The following PPEF2 variants were observed in gnomAD, a reference collection of about 807,000 sequenced individuals.
PPEF2 encodes the protein serine/threonine-protein phosphatase with EF-hands 2.
In PPEF2, 84 loss-of-function variants were observed where a neutral mutation model predicts 84.7. The ratio of observed to expected loss-of-function variants is 0.99; its 90% confidence interval spans 0.83 to 1.19. The LOEUF (loss-of-function observed/expected upper bound fraction) is 1.19. Among genes scored for constraint, PPEF2 ranks in the 50% most tolerant of loss-of-function variants. PPEF2 has a pLI of 0.00. For synonymous variants in PPEF2, 346 were observed against 345.2 expected (o/e 1.00, Z -0.03); for missense variants, 924 against 937.5 (o/e 0.99, Z 0.19).
intron 2 of PPEF2, among the ~76,000 whole-genome samples, chr4:75,894,186 AT>A (rs1306514205): frequency 6.6e-6 from 1 of 152,192 alleles, no homozygotes; most frequent in Non-Finnish European, 1.5e-5. Context: ...AGAACAGAGA[AT>A]TTTTTTGATG....
At chr4:75,873,542 A>G (rs1034488976) in intron 11 of PPEF2, among the ~76,000 whole-genome samples, 1 of 152,264 alleles carries the variant, frequency 6.6e-6, no homozygotes, top group Admixed American at 6.5e-5. Flanking sequence ...CGACAAGCAT[A>G]TACCCACTTT....
intron 10 of PPEF2, among the ~76,000 whole-genome samples, chr4:75,877,182 A>G (rs1294684621): frequency 6.6e-6 from 1 of 151,556 alleles, no homozygotes; most frequent in Non-Finnish European, 1.5e-5. Flanking sequence ...TCCTAAAAAT[A>G]CAAAATTAGC....
chr4:75,900,421 G>A (rs1428694979), intron 1 of PPEF2, among the ~76,000 whole-genome samples: 1 of 152,204 alleles, frequency 6.6e-6, no homozygotes, highest in Admixed American at 6.5e-5. Flanking sequence ...CCATTAGGTA[G>A]TTGTAACTAA....
chr4:75,894,748 A>T (rs1354409518), intron 2 of PPEF2, among the ~76,000 whole-genome samples: 1 of 152,172 alleles, frequency 6.6e-6, no homozygotes, highest in Non-Finnish European at 1.5e-5. Context: ...ACCTTGCGTG[A>T]TCTAATAAAT....
intron 7 of PPEF2, among the ~76,000 whole-genome samples, chr4:75,886,339 G>A (rs755437550): frequency 4.6e-5 from 7 of 152,202 alleles, no homozygotes; most frequent in Non-Finnish European, 1.0e-4. Context: ...AGGTACCCGA[G>A]GCCGGTGCGG....
chr4:75,883,564 G>T (rs1724634328), intron 8 of PPEF2: 1 of 203,732 alleles, frequency 4.9e-6, no homozygotes, highest in Non-Finnish European at 1.0e-5. Context: ...CACGCCTGTA[G>T]TCCCAGCACT....
intron 10 of PPEF2, among the ~76,000 whole-genome samples, chr4:75,879,074 T>C (rs1384381480): frequency 2.6e-5 from 4 of 152,332 alleles, no homozygotes; most frequent in Admixed American, 2.6e-4. Flanking sequence ...CCCCATCTTA[T>C]GTTTCCAGTG....
Position 75,876,675 on chromosome 4 carries a change from T to G in PPEF2, c.934-2A>C. On this transcript the variant is annotated splice_acceptor_variant, in intron 10 of 16. Coordinates refer to ENST00000286719, the MANE Select transcript of PPEF2 (RefSeq NM_006239.3). LOFTEE classifies it high-confidence loss of function. ...TTTGCACCTCATGGTGGAAACTATC[T>G]AAACACGTCCAGAAAGAGATACAGA... 1 of 1,532,780 alleles carries G rather than the reference T, an allele frequency of 6.5e-7. No homozygotes were observed. The highest frequency in any genetic ancestry group is 8.8e-7 in the Non-Finnish European group (1 of 1,139,892). 94.9% of individuals were successfully genotyped at this position (1,532,780 alleles called of 1,614,324 possible).
intron 11 of PPEF2, 49 bp from the exon 12 acceptor site, chr4:75,873,361 C>G: frequency 6.9e-7 from 1 of 1,459,532 alleles, no homozygotes; most frequent in Non-Finnish European, 9.3e-7. Flanking sequence ...GATACATATT[C>G]ATCCACAGTC....
chr4:75,873,704 T>A (rs1487833722), intron 11 of PPEF2, among the ~76,000 whole-genome samples: 1 of 152,164 alleles, frequency 6.6e-6, no homozygotes, highest in Non-Finnish European at 1.5e-5. Flanking sequence ...GTCCTGGGAC[T>A]GGCAAGAGAG....
rs566255059 is a variant in PPEF2, at chr4:75,875,106, G to A, written c.1320+1181C>T. ...TTTTTAGTAGAGACGGGGTTTCACCGTGTTAGCCAAGGATGGTCTCTATCT... is the reference window on the plus strand; with the variant it reads ...TTTTTAGTAGAGACGGGGTTTCACCATGTTAGCCAAGGATGGTCTCTATCT... On this transcript the variant is annotated intron_variant, in intron 11 of 16. Coordinates refer to ENST00000286719, the MANE Select transcript of PPEF2 (RefSeq NM_006239.3). Among the ~76,000 whole-genome samples the A allele has an allele frequency of 2.6e-5, 4 of 151,724 alleles. 1 individual carries two copies. The highest frequency in any genetic ancestry group is 9.7e-5 in the African/African-American group (4 of 41,360).
rs1724150237 is a variant in PPEF2, at chr4:75,867,161, G to A, written c.1756+152C>T. The A allele has an allele frequency of 5.6e-6, 3 of 533,676 alleles. No individual in the cohort carries two copies. In the East Asian group the frequency reaches 9.5e-5, roughly 17 times the overall value. 33.1% of individuals were successfully genotyped at this position (533,676 alleles called of 1,614,324 possible). On this transcript the variant is annotated intron_variant, in intron 14 of 16. Coordinates refer to ENST00000286719, the MANE Select transcript of PPEF2 (RefSeq NM_006239.3). ...ATTTTAAAATTTAGTTAGAATAAAT[G>A]AGACATTAAGTTGAATAAAATGGAG...
intron 2 of PPEF2, among the ~76,000 whole-genome samples, chr4:75,894,499 A>G (rs1323963208): frequency 1.3e-5 from 2 of 152,240 alleles, no homozygotes. Context: ...CCAATAGTTG[A>G]AATCAAAAGC....
chr4:75,884,487 G>A, intron 8 of PPEF2, 107 bp downstream of exon 8: 2 of 1,305,090 alleles, frequency 1.5e-6, no homozygotes, highest in Non-Finnish European at 2.1e-6. Flanking sequence ...TAAAAAAATT[G>A]GAAAACTAGT....
rs186321394 is a variant in PPEF2, at chr4:75,872,155, A to G, written c.1519T>C (p.Phe507Leu). 2.5e-6 allele frequency: 4 copies of G among 1,613,544 alleles called. No individual in the cohort carries two copies. Among genetic ancestry groups the G allele is most frequent in the Non-Finnish European group, 1.7e-6 (2 of 1,179,840 alleles). Residue 507 changes from phenylalanine to leucine, a missense_variant, in exon 13 of 17, where the codon TTT becomes CTT. Physicochemically the swap from Phe to Leu is conservative, Grantham distance 22. Coordinates refer to ENST00000286719, the MANE Select transcript of PPEF2 (RefSeq NM_006239.3). The part of the protein sequence containing the change: ...FCHNRKVLTI[F>L]SASNYYEVGS... The stretch of plus-strand genomic sequence containing the variant: ...ACTTCATAGTAGTTGGAGGCAGAAA[A>G]GATTGTTAATACCTACATCAAAACA...
chr4:75,892,015 G>T, intron 2 of PPEF2, 37 bp from the exon 3 acceptor site: 1 of 1,604,918 alleles, frequency 6.2e-7, no homozygotes, highest in South Asian at 1.1e-5. Context: ...TGTGAGCTCG[G>T]ACTCCCTGGG....
intron 10 of PPEF2, among the ~76,000 whole-genome samples, chr4:75,882,468 G>A (rs1249379526): frequency 6.6e-6 from 1 of 151,836 alleles, no homozygotes; most frequent in African/African-American, 2.4e-5. Context: ...CTCCCCACTG[G>A]CATGTACATG....
At chr4:75,899,757 G>A (rs1291818787) in intron 1 of PPEF2, among the ~76,000 whole-genome samples, 1 of 143,402 alleles carries the variant, frequency 7.0e-6, no homozygotes, top group African/African-American at 2.5e-5. Flanking sequence ...TTGGGGTAAA[G>A]TGAGAAGCCA....
At chr4:75,884,493 C>G in intron 8 of PPEF2, 101 bp downstream of exon 8, 1 of 1,313,690 alleles carries the variant, frequency 7.6e-7, no homozygotes, top group African/African-American at 1.5e-5. Flanking sequence ...AATTGGAAAA[C>G]TAGTTTTAAA....
Sources: gnomAD v4.1 joint callset for allele counts (sites outside exome capture counted in the v4.1 genomes callset) on GRCh38, gnomAD v4.1.1 for gene constraint, MANE v1.5 for transcripts, NCBI Gene and HGNC (gene_info 2026-07-23, HGNC 2026-07-21) for gene names.